The following KCNN2 variants were observed in gnomAD, a reference collection of about 807,000 sequenced individuals.
The protein encoded by KCNN2 is small conductance calcium-activated potassium channel protein 2.
Under a neutral mutation model 55.5 loss-of-function variants are expected in KCNN2, and 24 were observed. That is an observed-to-expected ratio of 0.43 (90% CI 0.31 to 0.61). The LOEUF (loss-of-function observed/expected upper bound fraction) is 0.61. Among genes scored for constraint, KCNN2 ranks in the 20% least tolerant of loss-of-function variants. KCNN2 has a pLI of 0.08. For synonymous variants in KCNN2, 431 were observed against 336.1 expected, an observed-to-expected ratio of 1.28 and a Z score of -3.09; for missense variants, 754 against 853.6, an observed-to-expected ratio of 0.88 and a Z score of 1.45.
chr5:114,115,187 A>G (rs1460785568), intron 1 of KCNN2, among the ~76,000 whole-genome samples: 1 of 152,136 alleles, frequency 6.6e-6, no homozygotes, highest in African/African-American at 2.4e-5. Context: ...GATTTTATTA[A>G]AAATAAGCTT....
chr5:114,302,072 A>C (rs1049174089), intron 2 of KCNN2, among the ~76,000 whole-genome samples: 1 of 152,192 alleles, frequency 6.6e-6, no homozygotes, highest in African/African-American at 2.4e-5. Context: ...CTACCTTCCT[A>C]AAAACTGGAA....
In KCNN2 at chr5:114,242,455, A is replaced by G. The variant is rs149488276; in HGVS notation, c.-185+20890A>G. ...GGCATTAATCCAGTTCTCTATAACT[A>G]TTTATTTACAAGGATATTTATATAA... On this transcript the variant is annotated intron_variant, in intron 2 of 10. Coordinates refer to the KCNN2 transcript ENST00000512097. Among the ~76,000 whole-genome samples, 38 of 152,338 alleles carry G rather than the reference A, an allele frequency of 2.5e-4. No homozygotes were observed. In the East Asian group the frequency reaches 3.7e-3, roughly 15 times the overall value.
At chr5:114,443,302 CAAAGAAA>C (rs1760287404) in intron 3 of KCNN2, among the ~76,000 whole-genome samples, 1 of 140,622 alleles carries the variant, frequency 7.1e-6, no homozygotes, top group Non-Finnish European at 1.6e-5. Context: ...AAAAAAGAAA[CAAAGAAA>C]AAAGAAAAAA....
intron 2 of KCNN2, among the ~76,000 whole-genome samples, chr5:114,283,301 T>G (rs180779608): frequency 6.6e-6 from 1 of 152,302 alleles, no homozygotes; most frequent in East Asian, 1.9e-4. Context: ...AGTTTATTAA[T>G]TTTCTCTTGA....
At chr5:114,485,949 G>A (rs1762419671) in intron 5 of KCNN2, among the ~76,000 whole-genome samples, 1 of 152,114 alleles carries the variant, frequency 6.6e-6, no homozygotes, top group South Asian at 2.1e-4. Flanking sequence ...TAAATCTAAT[G>A]ATTGAGAGAA....
chr5:114,105,019 T>G (rs914086787), intron 1 of KCNN2, among the ~76,000 whole-genome samples: 2 of 152,086 alleles, frequency 1.3e-5, no homozygotes, highest in African/African-American at 2.4e-5. Flanking sequence ...TTCTGATTCA[T>G]TAATGAACGT....
intron 2 of KCNN2, among the ~76,000 whole-genome samples, chr5:114,344,376 G>A (rs144506573): frequency 6.6e-6 from 1 of 152,158 alleles, no homozygotes; most frequent in African/African-American, 2.4e-5. Flanking sequence ...AGAGTGTAGG[G>A]TAAGGTCTGG....
intron 1 of KCNN2, among the ~76,000 whole-genome samples, chr5:114,113,439 CT>C (rs1751644041): frequency 6.6e-6 from 1 of 151,886 alleles, no homozygotes; most frequent in Admixed American, 6.6e-5. Flanking sequence ...AGGAGAAAAA[CT>C]TTTTTCCTCT....
At chr5:114,150,631 C>T (rs114749490) in intron 1 of KCNN2, among the ~76,000 whole-genome samples, 2,562 of 152,240 alleles carry the variant, frequency 0.017, 77 homozygotes, top group African/African-American at 0.059. Flanking sequence ...GAATCAGACC[C>T]GTCTTTTCCT....
At chr5:114,279,397 T>A (rs1755570148) in intron 2 of KCNN2, among the ~76,000 whole-genome samples, 1 of 152,108 alleles carries the variant, frequency 6.6e-6, no homozygotes, top group African/African-American at 2.4e-5. Context: ...GTGTGTTGCA[T>A]CTGTTAACTC....
intron 1 of KCNN2, among the ~76,000 whole-genome samples, chr5:114,119,387 C>A (rs992993250): frequency 1.3e-5 from 2 of 152,190 alleles, no homozygotes; most frequent in African/African-American, 2.4e-5. Flanking sequence ...CCATTGGCTT[C>A]TTTTAGATAC....
rs539050234 is a variant in KCNN2, at chr5:114,488,225, A to C, written c.2018+1048A>C. ...TAATTCTGGACAGATTCATTCTTCC[A>C]TAGAAATTAAAACTCAAGTATCCTG... is the stretch of plus-strand genomic sequence containing the variant. On this transcript the variant is annotated intron_variant, in intron 6 of 7. Coordinates refer to ENST00000673685, the MANE Select transcript of KCNN2 (RefSeq NM_021614.4). Among the ~76,000 whole-genome samples, 157 of 152,294 alleles carry C rather than the reference A, an allele frequency of 1.0e-3. 1 individual carries two copies. The highest frequency in any genetic ancestry group is 7.2e-4 in the Admixed American group (11 of 15,292).
chr5:114,382,424 G>A (rs1000839744), intron 2 of KCNN2, among the ~76,000 whole-genome samples: 2 of 152,110 alleles, frequency 1.3e-5, no homozygotes, highest in African/African-American at 4.8e-5. Context: ...CTAATTGTTC[G>A]ATGTGTATAT....
rs116723819 is a variant in KCNN2 at position 114,241,603 on chromosome 5, A to G, written c.-185+20038A>G. On this transcript the variant is annotated intron_variant, in intron 2 of 10. Coordinates refer to the KCNN2 transcript ENST00000512097. ...GCTGTCATGTGGAAAAGAAAAAGCT[A>G]AGAACCTTGTCTTTCACAATAGGCA... Among the ~76,000 whole-genome samples, 355 of 150,862 alleles carry G rather than the reference A, an allele frequency of 2.4e-3. 3 individuals are homozygous for G. Among genetic ancestry groups the G allele is most frequent in the African/African-American group, 8.3e-3 (342 of 41,188 alleles).
At chr5:114,360,550 C>T (rs530818143), upstream of KCNN2, among the ~76,000 whole-genome samples, 1 of 152,164 alleles carries the variant, frequency 6.6e-6, no homozygotes, top group South Asian at 2.1e-4. Context: ...TAGGGGGAGA[C>T]GGGAATTTGA....
In KCNN2 at chr5:114,135,999, G is replaced by A. The variant is rs182012836; in HGVS notation, c.-271+79499G>A. Reference sequence around the variant, plus strand: ...AAGGAACAGAGAAAATGGAGGGGAGGAGAACATTGAAATTAATTCAAGAAA... The same window carrying A: ...AAGGAACAGAGAAAATGGAGGGGAGAAGAACATTGAAATTAATTCAAGAAA... On this transcript the variant is annotated intron_variant, in intron 1 of 10. Coordinates refer to the KCNN2 transcript ENST00000512097. 4.1e-3 allele frequency among the ~76,000 whole-genome samples: 620 copies of A among 152,168 alleles called. 6 individuals are homozygous for A. Among genetic ancestry groups the A allele is most frequent in the Non-Finnish European group, 6.3e-3 (428 of 67,988 alleles).
intron 1 of KCNN2, among the ~76,000 whole-genome samples, chr5:114,178,252 AT>A (rs1377378568): frequency 6.6e-6 from 1 of 152,222 alleles, no homozygotes; most frequent in African/African-American, 2.4e-5. Flanking sequence ...AACTTAAAAA[AT>A]ATAATAAATA....
chr5:114,343,619 G>A (rs1214201431), intron 2 of KCNN2, among the ~76,000 whole-genome samples: 1 of 152,064 alleles, frequency 6.6e-6, no homozygotes, highest in Admixed American at 6.6e-5. Context: ...GTGGCAGAAA[G>A]AATGCTCATC....
intron 2 of KCNN2, among the ~76,000 whole-genome samples, chr5:114,315,421 C>CTG (rs34000645): frequency 0.029 from 4,132 of 142,902 alleles, 70 homozygotes; most frequent in Non-Finnish European, 0.039. Flanking sequence ...AAGGCAGAAA[C>CTG]TGTGTGTGTG....
Sources: allele counts gnomAD v4.1 joint callset (sites outside exome capture counted in the v4.1 genomes callset), GRCh38; gene constraint gnomAD v4.1.1; transcripts MANE v1.5; gene names NCBI Gene and HGNC (gene_info 2026-07-23, HGNC 2026-07-21).